The following RSPH1 variants were observed in gnomAD, a reference collection of about 807,000 sequenced individuals.
RSPH1 encodes the protein radial spoke head 1 homolog.
In RSPH1, 32 loss-of-function variants were observed where a neutral mutation model predicts 44.2. That is an observed-to-expected ratio of 0.72 (90% confidence interval 0.55 to 0.97). RSPH1 has a LOEUF of 0.97. RSPH1 is among the 50% of genes least tolerant of loss of function. RSPH1 has a pLI of 0.00. For synonymous variants in RSPH1, 134 were observed against 147.3 expected (o/e 0.91, Z 0.65); for missense variants, 391 against 398.7 (o/e 0.98, Z 0.16).
In RSPH1 at chr21:42,477,292, C is replaced by G. The variant is rs763859215; in HGVS notation, c.726G>C (p.Glu242Asp). 1.4e-5 allele frequency: 22 copies of G among 1,613,582 alleles called. No homozygotes were observed. Among genetic ancestry groups the G allele is most frequent in the African/African-American group, 1.3e-5 (1 of 74,908 alleles). ...DGPGQDAPGA[E>D]SAGEPGEEAQ... ...CCACAGCCCGGGGGTGCCCCACACT[C>G]TCAGCTCCTGGAGCGTCTTGGCCAG... Residue 242 changes from glutamate (E) to aspartate (D), a missense_variant and splice_region_variant, in exon 7 of 9, where the codon GAG becomes GAC. Glu to Asp is a conservative substitution (Grantham distance 45, BLOSUM62 2). Transcript: ENST00000291536.
In RSPH1 at chr21:42,472,831, TCTGA is replaced by T. The variant is rs754229803; in HGVS notation, c.913_916del (p.Ser305ThrfsTer8). On this transcript the variant is annotated frameshift_variant, in exon 9 of 9. Transcript: ENST00000291536. LOFTEE classifies it high-confidence loss of function. ...GCTCACTTCATCTTAGTCCTGGAGGTCTGACTGTCTAGTTTCTTCTTCTTCAGAA... is the reference window on the plus strand; with the variant it reads ...GCTCACTTCATCTTAGTCCTGGAGGTCTGTCTAGTTTCTTCTTCTTCAGAA... The T allele has an allele frequency of 1.2e-6, 2 of 1,610,346 alleles. No individual in the cohort carries two copies. The highest frequency in any genetic ancestry group is 2.2e-5 in the East Asian group (1 of 44,884).
At chr21:42,490,006 A>T (rs1228334584) in intron 3 of RSPH1, among the ~76,000 whole-genome samples, 1 of 152,190 alleles carries the variant, frequency 6.6e-6, no homozygotes, top group African/African-American at 2.4e-5. Context: ...GCCAGCAGGG[A>T]ATAGGGATGC....
chr21:42,481,380 C>T (rs1340486969), intron 6 of RSPH1, among the ~76,000 whole-genome samples: 2 of 152,088 alleles, frequency 1.3e-5, no homozygotes, highest in East Asian at 1.9e-4. Flanking sequence ...ACCAAATAAA[C>T]CTCTCTTCTT....
intron 5 of RSPH1, chr21:42,484,913 T>C (rs1007057255): frequency 6.6e-6 from 1 of 152,208 alleles, no homozygotes; most frequent in African/African-American, 2.4e-5. Flanking sequence ...AACTGGGTTC[T>C]AAGAGAGTCT....
intron 4 of RSPH1, chr21:42,486,011 C>T: frequency 1.6e-6 from 1 of 642,760 alleles, no homozygotes; most frequent in Non-Finnish European, 2.7e-6. Flanking sequence ...GAGGACAGGC[C>T]AGCTGGACAG....
chr21:42,477,394 T>G lies in RSPH1; in HGVS notation c.624A>C (p.Lys208Asn), dbSNP rs1168301982. ...ATTCAGTGATTTGGGTAGCTTTCCA[T>G]TTTGGAACAACAGTTACTAATTCTT... ...EEEELVTVVP[K>N]WKATQITELA... is the part of the protein sequence containing the mutation. The change falls in exon 7 of 9, where the codon AAA (lysine) becomes AAC (asparagine). Residue 208 changes from lysine to asparagine, a missense_variant. Transcript: ENST00000291536. 2 of 1,613,874 alleles carry G rather than the reference T, an allele frequency of 1.2e-6. No individual in the cohort carries two copies. Among genetic ancestry groups the G allele is most frequent in the Non-Finnish European group, 1.7e-6 (2 of 1,179,958 alleles).
chr21:42,493,235 G>A (rs553254304), intron 1 of RSPH1, among the ~76,000 whole-genome samples, 156 bp from the exon 2 acceptor site: 1 of 152,150 alleles, frequency 6.6e-6, no homozygotes, highest in Non-Finnish European at 1.5e-5. Context: ...TAAAGTTGAG[G>A]TAGGTAACAA....
intron 3 of RSPH1, among the ~76,000 whole-genome samples, chr21:42,492,202 G>A (rs1373301180): frequency 6.6e-6 from 1 of 152,234 alleles, no homozygotes; most frequent in Non-Finnish European, 1.5e-5. Flanking sequence ...ACGGCACAAG[G>A]GGCGGCAGGG....
intron 8 of RSPH1, among the ~76,000 whole-genome samples, chr21:42,473,829 C>T (rs1183614411): frequency 6.6e-6 from 1 of 152,172 alleles, no homozygotes; most frequent in Admixed American, 6.5e-5. Flanking sequence ...CGTCCCCGGC[C>T]TCCACCCAGG....
chr21:42,494,494 A>C (rs369451550), intron 1 of RSPH1, among the ~76,000 whole-genome samples: 61 of 152,244 alleles, frequency 4.0e-4, no homozygotes, highest in African/African-American at 1.3e-3. Context: ...CTTCTATCCA[A>C]GAGGCTTCCC....
At position 42,475,959 on chromosome 21, in the gene RSPH1, G is replaced by A. The variant is rs770971275; in HGVS notation, c.816C>T (p.Asp272=). The A allele has an allele frequency of 2.2e-5, 36 of 1,612,632 alleles. No individual in the cohort carries two copies. Among genetic ancestry groups the A allele is most frequent in the Middle Eastern group, 1.6e-4 (1 of 6,062 alleles). Residue 272 remains aspartate, a synonymous_variant, in exon 8 of 9, where the codon GAC becomes GAT. Transcript: ENST00000291536. ...MDMRPGDEDA[D]VLREESREYD... ...ACTCCCGGCTCTCTTCCCGGAGGAC[G>A]TCTGCATCTTCATCTCCAGGCCTCA...
chr21:42,484,769 A>G (rs1397449823), intron 5 of RSPH1: 1 of 152,146 alleles, frequency 6.6e-6, no homozygotes, highest in Non-Finnish European at 1.5e-5. Flanking sequence ...CCACCTTCCC[A>G]TCTCCTCCAA....
intron 3 of RSPH1, among the ~76,000 whole-genome samples, chr21:42,488,015 G>A (rs1601633756): frequency 6.6e-6 from 1 of 152,298 alleles, no homozygotes; most frequent in East Asian, 1.9e-4. Context: ...AGGGAAGGCA[G>A]CACGAAAAGC....
intron 6 of RSPH1, among the ~76,000 whole-genome samples, chr21:42,478,080 G>A (rs896275372): frequency 2.6e-5 from 4 of 152,184 alleles, no homozygotes; most frequent in African/African-American, 9.7e-5. Context: ...GTCTGAACAT[G>A]GAACACTTTG....
chr21:42,479,982 G>A (rs2054109576), intron 6 of RSPH1, among the ~76,000 whole-genome samples: 1 of 152,172 alleles, frequency 6.6e-6, no homozygotes, highest in Non-Finnish European at 1.5e-5. Context: ...CCTAGCCAGT[G>A]GTTCCTTTTA....
At chr21:42,492,193 C>T (rs772013991) in intron 3 of RSPH1, among the ~76,000 whole-genome samples, 11 of 152,178 alleles carry the variant, frequency 7.2e-5, no homozygotes, top group Non-Finnish European at 1.5e-4. Context: ...CAGGTGACAA[C>T]GGCACAAGGG....
intron 5 of RSPH1, among the ~76,000 whole-genome samples, chr21:42,483,504 C>T (rs1601630636): frequency 6.6e-6 from 1 of 152,060 alleles, no homozygotes; most frequent in South Asian, 2.1e-4. Flanking sequence ...TTTTAATTCA[C>T]TTCATTTCAG....
Position 42,493,025 on chromosome 21 carries a change from G to T in RSPH1, c.109C>A (p.Arg37=), listed in dbSNP as rs142034904. The T allele has an allele frequency of 1.9e-6, 3 of 1,614,124 alleles. No homozygotes were observed. The change falls in exon 2 of 9, where the codon CGG becomes AGG. Residue 37 remains arginine, a synonymous_variant. Transcript: ENST00000291536. ...AGERHGRGRA[R]LPNGDTYEGS... ...TCGTAGGTGTCCCCGTTGGGTAGCC[G>T]TGCCCTCCCACGTCCGTGCCTTTCG...
chr21:42,495,962 C>T lies in RSPH1; in HGVS notation c.54+171G>A, dbSNP rs2054283617. 4.6e-6 allele frequency: 3 copies of T among 656,272 alleles called. No individual in the cohort carries two copies. In the South Asian group the frequency reaches 5.4e-5, roughly 12 times the overall value. The allele number at this position is 656,272 out of a possible 1,614,324, so 40.7% of individuals were successfully genotyped here. ...ACAGCGTTTCACTTTTCACCATCAACTTCCAGGACGCACGCAGGTGTGTCT... is the reference window on the plus strand; with the variant it reads ...ACAGCGTTTCACTTTTCACCATCAATTTCCAGGACGCACGCAGGTGTGTCT... On this transcript the variant is annotated intron_variant, in intron 1 of 8. Coordinates refer to ENST00000291536, the MANE Select transcript of RSPH1 (RefSeq NM_080860.4).
Sources: allele counts gnomAD v4.1 joint callset (sites outside exome capture counted in the v4.1 genomes callset), GRCh38; gene constraint gnomAD v4.1.1; transcripts MANE v1.5; gene names NCBI Gene and HGNC (gene_info 2026-07-23, HGNC 2026-07-21).